The following GRIP1 variants were observed in gnomAD, a reference collection of about 807,000 sequenced individuals.
The protein encoded by GRIP1 is glutamate receptor interacting protein 1.
A neutral mutation model predicts 129.9 loss-of-function variants in GRIP1; 45 were observed. The ratio of observed to expected loss-of-function variants is 0.35; its 90% CI spans 0.27 to 0.44. The LOEUF (loss-of-function observed/expected upper bound fraction) is 0.44, where lower values mean the gene tolerates loss of function less well. GRIP1 is among the 20% of genes least tolerant of loss of function. GRIP1 has a pLI of 1.00. For synonymous variants in GRIP1, 530 were observed against 520.8 expected (o/e 1.02, Z -0.24); for missense variants, 1,196 against 1,396.8 (o/e 0.86, Z 2.29).
At chr12:66,434,321 G>A (rs1202475799) in intron 13 of GRIP1, among the ~76,000 whole-genome samples, 2 of 152,160 alleles carry the variant, frequency 1.3e-5, no homozygotes, top group African/African-American at 4.8e-5. Flanking sequence ...GGGGAGTGAG[G>A]CAATCAGCTG....
Position 66,608,933 on chromosome 12 carries a change from A to AATTATTATTATTATTATT in GRIP1, c.56-12024_56-12007dup, listed in dbSNP as rs150512388. 1.0e-2 allele frequency among the ~76,000 whole-genome samples: 1,454 copies of AATTATTATTATTATTATT among 145,520 alleles called. 25 individuals carry two copies. The highest frequency in any genetic ancestry group is 0.035 in the African/African-American group (1,398 of 39,700). ...AGGAATCCCACAGTAACATGAAACA[A>AATTATTATTATTATTATT]ATTATTATTATTATTATTATTATTA... is the stretch of plus-strand genomic sequence containing the variant. On this transcript the variant is annotated intron_variant, in intron 1 of 24. Transcript: ENST00000359742.
intron 1 of GRIP1, among the ~76,000 whole-genome samples, chr12:67,019,747 T>G (rs2042838288): frequency 6.6e-6 from 1 of 152,116 alleles, no homozygotes; most frequent in South Asian, 2.1e-4. Context: ...ATGTAGAATT[T>G]ATCCTATAAT....
At chr12:66,990,793 G>C (rs2042382465) in intron 1 of GRIP1, among the ~76,000 whole-genome samples, 2 of 151,998 alleles carry the variant, frequency 1.3e-5, no homozygotes, top group South Asian at 4.1e-4. Context: ...TCAAGAATTC[G>C]AGACCATTCT....
intron 1 of GRIP1, among the ~76,000 whole-genome samples, chr12:66,885,568 T>TCAGATCA (rs138658128): frequency 0.096 from 14,576 of 151,908 alleles, 913 homozygotes; most frequent in East Asian, 0.26. Context: ...TATGCTAAGA[T>TCAGATCA]CAGATCACAG....
intron 1 of GRIP1, among the ~76,000 whole-genome samples, chr12:66,721,371 T>G (rs1023021580): frequency 1.3e-5 from 2 of 152,068 alleles, no homozygotes; most frequent in African/African-American, 4.8e-5. Flanking sequence ...ACCTCCCAGG[T>G]TCAAGCAATT....
upstream of GRIP1, among the ~76,000 whole-genome samples, chr12:66,683,222 T>C (rs1464230162): frequency 1.3e-5 from 2 of 152,100 alleles, no homozygotes; most frequent in Non-Finnish European, 2.9e-5. Context: ...AATCGGCCAT[T>C]TTTACTTCCC....
chr12:66,403,281 C>T (rs528335391), intron 16 of GRIP1, among the ~76,000 whole-genome samples: 2 of 152,180 alleles, frequency 1.3e-5, no homozygotes, highest in African/African-American at 4.8e-5. Flanking sequence ...GTCCCTCATC[C>T]CCCGTCTACC....
intron 1 of GRIP1, among the ~76,000 whole-genome samples, chr12:67,063,121 A>G (rs945804361): frequency 6.6e-6 from 1 of 152,178 alleles, no homozygotes; most frequent in Admixed American, 6.5e-5. Flanking sequence ...TAGAGAAAAC[A>G]AGGGCTTTAA....
chr12:66,880,561 T>C (rs2137188720), intron 1 of GRIP1, among the ~76,000 whole-genome samples: 1 of 152,256 alleles, frequency 6.6e-6, no homozygotes, highest in African/African-American at 2.4e-5. Flanking sequence ...ATGGACTCTT[T>C]ATTTATTTTA....
At chr12:66,677,727 T>C (rs1453189202) in intron 1 of GRIP1, among the ~76,000 whole-genome samples, 5 of 152,210 alleles carry the variant, frequency 3.3e-5, no homozygotes. Flanking sequence ...TTTCCTGTTA[T>C]TGACTCAAGA....
At chr12:66,476,139 A>T (rs1253285336) in intron 7 of GRIP1, among the ~76,000 whole-genome samples, 2 of 152,218 alleles carry the variant, frequency 1.3e-5, no homozygotes, top group Non-Finnish European at 2.9e-5. Context: ...AATAAAGAAA[A>T]GAGGGAAGAA....
chr12:66,480,870 T>C (rs1313463109), intron 7 of GRIP1, among the ~76,000 whole-genome samples: 1 of 152,124 alleles, frequency 6.6e-6, no homozygotes, highest in Admixed American at 6.5e-5. Context: ...CACAGAAAAC[T>C]GAAACTGGAC....
chr12:66,934,010 T>A (rs1429719293), intron 1 of GRIP1, among the ~76,000 whole-genome samples: 2 of 152,178 alleles, frequency 1.3e-5, no homozygotes, highest in African/African-American at 4.8e-5. Context: ...TCCTAAAGTG[T>A]ACAAAACATG....
chr12:66,905,535 T>G (rs971398035), intron 1 of GRIP1, among the ~76,000 whole-genome samples: 1 of 152,238 alleles, frequency 6.6e-6, no homozygotes, highest in Non-Finnish European at 1.5e-5. Flanking sequence ...AATTCAGGTA[T>G]GATTGAAATG....
At chr12:66,676,292 G>T (rs886423677) in intron 1 of GRIP1, among the ~76,000 whole-genome samples, 1 of 152,094 alleles carries the variant, frequency 6.6e-6, no homozygotes, top group South Asian at 2.1e-4. Flanking sequence ...GAATGTGGGT[G>T]TTTGTAGAAA....
rs563426417 is a variant in GRIP1, at chr12:66,760,533, C to G, written c.-420+43520G>C. On this transcript the variant is annotated intron_variant, in intron 1 of 4. Coordinates refer to the GRIP1 transcript ENST00000538373. The stretch of plus-strand genomic sequence containing the variant: ...AAGCAGAATTCCTTGATAAACCCAT[C>G]AGATCTCATGAGACTTATTCACTGT... Among the ~76,000 whole-genome samples, 12 of 152,238 alleles carry G rather than the reference C, an allele frequency of 7.9e-5. No homozygotes were observed. In the South Asian group the frequency reaches 2.3e-3, roughly 29 times the overall value.
intron 1 of GRIP1, among the ~76,000 whole-genome samples, chr12:66,952,078 A>G (rs1317590291): frequency 6.6e-6 from 1 of 151,994 alleles, no homozygotes; most frequent in Non-Finnish European, 1.5e-5. Context: ...GTAAAGTGAG[A>G]AGAGGAGAGG....
intron 1 of GRIP1, among the ~76,000 whole-genome samples, chr12:67,020,817 G>C (rs1280697252): frequency 6.6e-6 from 1 of 151,970 alleles, no homozygotes; most frequent in East Asian, 1.9e-4. Flanking sequence ...TATATAATCT[G>C]GGCCCAGTGC....
intron 2 of GRIP1, among the ~76,000 whole-genome samples, chr12:66,552,048 T>A (rs1487808511): frequency 6.6e-6 from 1 of 152,170 alleles, no homozygotes; most frequent in Admixed American, 6.5e-5. Flanking sequence ...AAGAAGATCC[T>A]GAGAAAGATA....
Sources: gnomAD v4.1 joint callset for allele counts (sites outside exome capture counted in the v4.1 genomes callset) on GRCh38, gnomAD v4.1.1 for gene constraint, MANE v1.5 for transcripts, NCBI Gene and HGNC (gene_info 2026-07-23, HGNC 2026-07-21) for gene names.